TRIQK: variants seen among roughly 807,000 people sequenced by gnomAD.
TRIQK encodes triple QxxK/R motif containing.
A neutral mutation model predicts 10.8 loss-of-function variants in TRIQK; 10 were observed. The ratio of observed to expected loss-of-function variants is 0.92; its 90% confidence interval spans 0.57 to 1.57. TRIQK has a LOEUF of 1.57. Among genes scored for constraint, TRIQK ranks in the 40% most tolerant of loss-of-function variants. The probability of loss-of-function intolerance (pLI) is 0.00; values close to 1 mark genes in which losing one functional copy is unlikely to be tolerated. For missense variants in TRIQK, 107 were observed against 97.7 expected (o/e 1.09, Z -0.40); for synonymous variants, 33 against 33.7 (o/e 0.98, Z 0.07).
chr8:93,016,698 C>G (rs1317242408), intron 1 of TRIQK, among the ~76,000 whole-genome samples: 1 of 152,014 alleles, frequency 6.6e-6, no homozygotes. Flanking sequence ...GAGCTAAGTC[C>G]TAAATATTGC....
intron 1 of TRIQK, among the ~76,000 whole-genome samples, chr8:93,005,848 G>A (rs557026174): frequency 4.9e-4 from 75 of 152,104 alleles, no homozygotes; most frequent in African/African-American, 1.8e-3. Context: ...CTCCAAATTG[G>A]AAAAGAGGAA....
intron 2 of TRIQK, among the ~76,000 whole-genome samples, chr8:92,944,631 T>A (rs1205101823): frequency 6.6e-6 from 1 of 152,116 alleles, no homozygotes; most frequent in East Asian, 1.9e-4. Context: ...TACAGCATGA[T>A]CTCACTTACA....
chr8:92,931,129 A>G (rs1810701580), intron 2 of TRIQK, among the ~76,000 whole-genome samples: 1 of 152,196 alleles, frequency 6.6e-6, no homozygotes, highest in Admixed American at 6.5e-5. Context: ...TGTTTAGCCC[A>G]AATGTTAATT....
chr8:92,897,007 G>C (rs539763412), intron 3 of TRIQK, among the ~76,000 whole-genome samples: 1 of 151,992 alleles, frequency 6.6e-6, no homozygotes, highest in Admixed American at 6.5e-5. Context: ...AGTAGAGATG[G>C]GGTTTCGCAA....
intron 1 of TRIQK, among the ~76,000 whole-genome samples, chr8:93,004,347 T>G: frequency 6.6e-6 from 1 of 152,184 alleles, no homozygotes; most frequent in South Asian, 2.1e-4. Context: ...CTTGATCCCT[T>G]TTAGCCACAG....
chr8:92,982,704 A>G (rs924042960), intron 1 of TRIQK, among the ~76,000 whole-genome samples: 1 of 152,062 alleles, frequency 6.6e-6, no homozygotes, highest in African/African-American at 2.4e-5. Context: ...GCAAATATCA[A>G]TGGGAGACAT....
rs865911875 is a variant in TRIQK, at chr8:92,923,729, G to A, written c.-21-6719C>T. Among the ~76,000 whole-genome samples, 3 of 151,842 alleles carry A rather than the reference G, an allele frequency of 2.0e-5. No homozygotes were observed. In the South Asian group the frequency reaches 6.2e-4, roughly 32 times the overall value. ...ATTAGGACTTTTAAGATTAAACATA[G>A]CATTCTTGTTTTTAGTATGCTTTCT... On this transcript the variant is annotated intron_variant, in intron 2 of 4. Transcript: ENST00000521988.
At chr8:92,931,596 C>T (rs1291781063) in intron 2 of TRIQK, among the ~76,000 whole-genome samples, 4 of 152,174 alleles carry the variant, frequency 2.6e-5, no homozygotes, top group Admixed American at 1.3e-4. Context: ...TTTTGGTTAA[C>T]GAATAAAAGA....
At chr8:92,963,557 C>G (rs1373054473) in intron 1 of TRIQK, 3 of 151,836 alleles carry the variant, frequency 2.0e-5, no homozygotes, top group African/African-American at 7.2e-5. Context: ...CCAAAACGGA[C>G]CTCGATAGAT....
intron 3 of TRIQK, 100 bp from the exon 4 acceptor site, chr8:92,892,174 G>A: frequency 1.2e-6 from 1 of 844,328 alleles, no homozygotes; most frequent in Non-Finnish European, 1.8e-6. Flanking sequence ...GTGAAACAGG[G>A]ACACGGAGTT....
intron 1 of TRIQK, among the ~76,000 whole-genome samples, chr8:92,988,044 T>C (rs1352502800): frequency 4.6e-5 from 6 of 131,660 alleles, no homozygotes; most frequent in African/African-American, 8.5e-5. Flanking sequence ...TCTTGCTCTG[T>C]CGCCCAGGCT....
chr8:93,005,493 TGCAA>T (rs78681832), intron 1 of TRIQK, among the ~76,000 whole-genome samples: 33,890 of 151,876 alleles, frequency 0.22, 3,959 homozygotes, highest in Non-Finnish European at 0.24. Flanking sequence ...CTCATAAGGG[TGCAA>T]GCATGGTTCA....
At chr8:92,962,385 G>A (rs1039517033) in intron 1 of TRIQK, among the ~76,000 whole-genome samples, 1 of 152,114 alleles carries the variant, frequency 6.6e-6, no homozygotes, top group African/African-American at 2.4e-5. Context: ...TTTCTACATA[G>A]AAGAATGTCC....
At chr8:92,974,513 T>C (rs1812910154) in intron 1 of TRIQK, 1 of 152,234 alleles carries the variant, frequency 6.6e-6, no homozygotes, top group Admixed American at 6.5e-5. Flanking sequence ...AATTCATTAT[T>C]CTATAGATGG....
At chr8:93,006,719 G>A (rs1813276505) in intron 1 of TRIQK, among the ~76,000 whole-genome samples, 1 of 152,176 alleles carries the variant, frequency 6.6e-6, no homozygotes, top group South Asian at 2.1e-4. Context: ...CTACAGCCCA[G>A]CACAGCGGCT....
Position 92,945,053 on chromosome 8 carries a change from C to A in TRIQK, c.-22+9353G>T, listed in dbSNP as rs12541835. ...ATGAGTGCTGACTGTGGTGTAGGTA[C>A]TGTCAAAGGCATATTTACATATGAT... is the stretch of plus-strand genomic sequence containing the variant. On this transcript the variant is annotated intron_variant, in intron 2 of 4. Coordinates refer to ENST00000521988, the MANE Select transcript of TRIQK (RefSeq NM_001171797.2). Among the ~76,000 whole-genome samples, 427 of 152,142 alleles carry A rather than the reference C, an allele frequency of 2.8e-3. 23 individuals carry two copies. The East Asian group carries it at 0.073, about 26-fold the overall frequency.
At position 92,884,681 on chromosome 8, in the gene TRIQK, T is replaced by C. The variant is rs1055130674; in HGVS notation, c.*1941A>G. Reference sequence around the variant, plus strand: ...CAGCCATTTTAAGTACTGTAAACTCTGTTATATTTCATTTGGATAAGTATC... The same window carrying C: ...CAGCCATTTTAAGTACTGTAAACTCCGTTATATTTCATTTGGATAAGTATC... On this transcript the variant is annotated 3_prime_UTR_variant, in exon 5 of 5. Coordinates refer to ENST00000521988, the MANE Select transcript of TRIQK (RefSeq NM_001171797.2). The C allele has an allele frequency of 8.1e-6, 3 of 368,328 alleles. No individual in the cohort carries two copies. The highest frequency in any genetic ancestry group is 6.4e-5 in the African/African-American group (3 of 47,092). 22.8% of individuals were successfully genotyped at this position (368,328 alleles called of 1,614,324 possible).
chr8:92,911,273 T>C (rs1031818940), intron 3 of TRIQK, among the ~76,000 whole-genome samples: 2 of 150,990 alleles, frequency 1.3e-5, no homozygotes, highest in Non-Finnish European at 3.0e-5. Context: ...AAAACTAATA[T>C]TAGATTCAGA....
intron 3 of TRIQK, among the ~76,000 whole-genome samples, chr8:92,915,382 T>C (rs951312753): frequency 2.0e-5 from 3 of 152,222 alleles, no homozygotes; most frequent in Non-Finnish European, 4.4e-5. Flanking sequence ...AAAGGTACTA[T>C]GTGAGATGAT....
Sources: gnomAD v4.1 joint callset for allele counts (sites outside exome capture counted in the v4.1 genomes callset) on GRCh38, gnomAD v4.1.1 for gene constraint, MANE v1.5 for transcripts, NCBI Gene and HGNC (gene_info 2026-07-23, HGNC 2026-07-21) for gene names.